Variants in ABCB11 observed in about 807,000 individuals in gnomAD.
ABCB11 encodes ATP binding cassette subfamily B member 11, also known as bile salt export pump.
In ABCB11, 95 loss-of-function variants were observed where a neutral mutation model predicts 148.0. The observed-to-expected ratio is 0.64, with a 90% CI of 0.54 to 0.76. The LOEUF is 0.76. Ranked by LOEUF, ABCB11 falls within the 30% of genes least tolerant of loss-of-function variation. The pLI is 0.00. For missense variants in ABCB11, 1,523 were observed against 1,617.8 expected (o/e 0.94, Z 1.01); for synonymous variants, 591 against 555.4 (o/e 1.06, Z -0.90).
At chr2:168,934,996 G>A (rs1036025156) in intron 23 of ABCB11, among the ~76,000 whole-genome samples, 188 bp downstream of exon 23, 5 of 152,212 alleles carry the variant, frequency 3.3e-5, no homozygotes, top group Admixed American at 6.5e-5. Context: ...ACAGAAGCCT[G>A]ACTGAGTCAG....
intron 4 of ABCB11, among the ~76,000 whole-genome samples, 170 bp from the exon 5 acceptor site, chr2:169,013,680 G>T (rs1004657904): frequency 2.6e-5 from 4 of 152,000 alleles, no homozygotes; most frequent in Non-Finnish European, 4.4e-5. Flanking sequence ...GAAATAAACG[G>T]CACGGTACAT....
At chr2:169,003,644 C>G (rs116323691) in intron 5 of ABCB11, among the ~76,000 whole-genome samples, 32 of 152,080 alleles carry the variant, frequency 2.1e-4, no homozygotes, top group African/African-American at 7.2e-4. Context: ...GGTAGATCTA[C>G]GTTTACTTCT....
intron 7 of ABCB11, among the ~76,000 whole-genome samples, chr2:168,994,267 A>G (rs1694643050): frequency 6.6e-6 from 1 of 152,070 alleles, no homozygotes. Context: ...CTCGTGCATC[A>G]ATCTTGTATA....
intron 21 of ABCB11, among the ~76,000 whole-genome samples, chr2:168,941,022 T>C (rs1445895183): frequency 6.6e-6 from 1 of 152,100 alleles, no homozygotes; most frequent in African/African-American, 2.4e-5. Context: ...ACAACGCACC[T>C]AGTCACCCAG....
intron 1 of ABCB11, among the ~76,000 whole-genome samples, chr2:169,029,724 CTTTTTTTTTTTT>C (rs1166356679): frequency 1.1e-5 from 1 of 88,306 alleles, no homozygotes; most frequent in Admixed American, 1.2e-4. Context: ...GTTCTTTCCT[CTTTTTTTTTTTT>C]TTTTTTTTTT....
intron 18 of ABCB11, among the ~76,000 whole-genome samples, chr2:168,959,814 T>C (rs1313710314): frequency 6.6e-6 from 1 of 150,626 alleles, no homozygotes; most frequent in Non-Finnish European, 1.5e-5. Flanking sequence ...TTGTGGGAAC[T>C]GGGGGTTGGG....
chr2:168,984,835 G>C (rs1183063674), intron 10 of ABCB11, among the ~76,000 whole-genome samples: 1 of 152,060 alleles, frequency 6.6e-6, no homozygotes, highest in Non-Finnish European at 1.5e-5. Context: ...ATTTCTAGAA[G>C]ATAACATTGG....
rs764933943 is a variant in ABCB11, at chr2:168,993,876, A to C, written c.618T>G (p.Ile206Met). The C allele has an allele frequency of 6.2e-7, 1 of 1,606,210 alleles. No individual in the cohort carries two copies. The highest frequency in any genetic ancestry group is 1.1e-5 in the South Asian group (1 of 89,520). Residue 206 changes from isoleucine to methionine, a missense_variant, in exon 8 of 28, where the codon ATT (isoleucine) becomes ATG (methionine). By Grantham distance (10) the Ile-to-Met change is conservative (BLOSUM62 1). Transcript: ENST00000650372. Reference protein sequence around the residue: ...GELNTRFSDDINKINDAIADQ... With the variant: ...GELNTRFSDDMNKINDAIADQ... Reference sequence around the variant, plus strand: ...CAGCTATGGCATCATTGATTTTATTAATATCACTAGAAACCAGAAAGATTT... The same window carrying C: ...CAGCTATGGCATCATTGATTTTATTCATATCACTAGAAACCAGAAAGATTT...
At chr2:169,011,063 T>C (rs6709971) in intron 5 of ABCB11, among the ~76,000 whole-genome samples, 3,737 of 152,324 alleles carry the variant, frequency 0.025, 150 homozygotes, top group African/African-American at 0.084. Context: ...AGAATTCCTT[T>C]TTAATAGATG....
At chr2:168,995,212 T>C (rs1048652369) in intron 7 of ABCB11, 137 bp downstream of exon 7, 9 of 989,658 alleles carry the variant, frequency 9.1e-6, no homozygotes, top group Non-Finnish European at 1.3e-5. Flanking sequence ...GAAAAAGCCA[T>C]GCCACATATG....
chr2:168,959,067 G>C (rs1469022476), intron 18 of ABCB11, among the ~76,000 whole-genome samples: 6 of 151,674 alleles, frequency 4.0e-5, no homozygotes, highest in Admixed American at 3.9e-4. Flanking sequence ...TAGGGAGCAG[G>C]ATGGCAGGGA....
At chr2:168,986,014 T>C (rs1694305194) in intron 10 of ABCB11, 96 bp downstream of exon 10, 3 of 1,029,484 alleles carry the variant, frequency 2.9e-6, no homozygotes, top group South Asian at 3.3e-5. Context: ...GCTTTTTTCC[T>C]GAAGGCACCA....
chr2:169,015,138 C>A (rs58104084), intron 3 of ABCB11, among the ~76,000 whole-genome samples: 3,369 of 152,154 alleles, frequency 0.022, 121 homozygotes, highest in African/African-American at 0.078. Flanking sequence ...ATTTTGCTTC[C>A]TTCCCCATGC....
chr2:168,981,783 T>C lies in ABCB11; in HGVS notation c.1084-1804A>G, dbSNP rs1276249369. Among the ~76,000 whole-genome samples the C allele has an allele frequency of 2.0e-5, 3 of 152,174 alleles. No individual in the cohort carries two copies. In the East Asian group the frequency reaches 5.8e-4, roughly 29 times the overall value. ...TAGGCTTTTCAGGCCATATGGGCTC[T>C]GAAGTAATTACTCAGTTCTGCCATG... On this transcript the variant is annotated intron_variant, in intron 10 of 27. Transcript: ENST00000650372.
intron 19 of ABCB11, among the ~76,000 whole-genome samples, chr2:168,952,445 T>A (rs893030396): frequency 6.6e-6 from 1 of 151,644 alleles, no homozygotes; most frequent in African/African-American, 2.4e-5. Flanking sequence ...TTCTTCCTGA[T>A]TTAATCTTGG....
In ABCB11 at chr2:169,018,154, T is replaced by TATAAA. The variant is rs1191428620; in HGVS notation, c.-27-7_-27-3dup. 3 of 1,607,686 alleles carry TATAAA rather than the reference T, an allele frequency of 1.9e-6. No individual in the cohort carries two copies. Among genetic ancestry groups the TATAAA allele is most frequent in the East Asian group, 2.2e-5 (1 of 44,818 alleles). On this transcript the variant is annotated splice_region_variant and splice_polypyrimidine_tract_variant and intron_variant, in intron 1 of 27. Transcript: ENST00000650372. ...AATTGCAACCCACAGCCAACGACCC[T>TATAAA]ATAAAATAAAATAAAAGAATCATTG...
intron 17 of ABCB11, among the ~76,000 whole-genome samples, chr2:168,964,782 T>G (rs983365696): frequency 3.3e-5 from 5 of 151,864 alleles, no homozygotes; most frequent in African/African-American, 7.2e-5. Flanking sequence ...GGGCCTCTGA[T>G]GAGATTTTCT....
chr2:168,984,547 C>T (rs775538095), intron 10 of ABCB11, among the ~76,000 whole-genome samples: 4 of 152,104 alleles, frequency 2.6e-5, no homozygotes, highest in Non-Finnish European at 4.4e-5. Flanking sequence ...ATTGACCTGG[C>T]ATTTTAGTAA....
At chr2:168,926,626 G>C (rs1306798435) in intron 26 of ABCB11, among the ~76,000 whole-genome samples, 2 of 152,180 alleles carry the variant, frequency 1.3e-5, no homozygotes, top group African/African-American at 4.8e-5. Flanking sequence ...CAAAATTAAA[G>C]AGTATGTTGA....
Sources: gnomAD v4.1 joint callset for allele counts (sites outside exome capture counted in the v4.1 genomes callset) on GRCh38, gnomAD v4.1.1 for gene constraint, MANE v1.5 for transcripts, NCBI Gene and HGNC (gene_info 2026-07-23, HGNC 2026-07-21) for gene names.